DOCK1: variants seen among roughly 807,000 people sequenced by gnomAD.
The protein encoded by DOCK1 is dedicator of cytokinesis 1.
A neutral mutation model predicts 262.7 loss-of-function variants in DOCK1; 138 were observed. The ratio of observed to expected loss-of-function variants is 0.53; its 90% confidence interval spans 0.46 to 0.61. The LOEUF (loss-of-function observed/expected upper bound fraction) is 0.61. DOCK1 is among the 20% of genes least tolerant of loss of function. DOCK1 has a pLI of 0.00. For synonymous variants in DOCK1, 866 were observed against 867.4 expected (o/e 1.00, Z 0.03); for missense variants, 1,908 against 2,370.7 (o/e 0.80, Z 4.05).
At chr10:127,115,319 T>G (rs2049116629) in intron 25 of DOCK1, among the ~76,000 whole-genome samples, 1 of 152,148 alleles carries the variant, frequency 6.6e-6, no homozygotes. Flanking sequence ...ATGGGCAGTG[T>G]GTGTGAGAGT....
chr10:127,289,434 A>G (rs866127839), intron 29 of DOCK1, among the ~76,000 whole-genome samples: 8 of 152,236 alleles, frequency 5.3e-5, no homozygotes, highest in South Asian at 4.1e-4. Context: ...CATGCACACA[A>G]CTTTACATGG....
intron 1 of DOCK1, among the ~76,000 whole-genome samples, chr10:126,945,706 G>A (rs1405761603): frequency 1.3e-5 from 2 of 152,158 alleles, no homozygotes; most frequent in African/African-American, 2.4e-5. Context: ...TGCTGCCACC[G>A]GCCTCTTTTT....
intron 29 of DOCK1, among the ~76,000 whole-genome samples, chr10:127,324,959 A>G (rs1247983584): frequency 3.9e-5 from 6 of 152,232 alleles, no homozygotes; most frequent in South Asian, 4.2e-4. Flanking sequence ...TTGCCACTAG[A>G]ACACAGGGTC....
chr10:127,196,753 C>G (rs1239842692), intron 27 of DOCK1, among the ~76,000 whole-genome samples: 1 of 147,382 alleles, frequency 6.8e-6, no homozygotes, highest in Non-Finnish European at 1.5e-5. Context: ...AAGGAGCTGC[C>G]GCCGGCTGCC....
chr10:127,313,521 A>G (rs186747960), intron 29 of DOCK1, among the ~76,000 whole-genome samples: 150 of 152,306 alleles, frequency 9.8e-4, no homozygotes, highest in African/African-American at 3.4e-3. Flanking sequence ...TGGGTCAATC[A>G]ATGAGCTGAT....
chr10:126,960,050 C>T (rs887864517), intron 1 of DOCK1, among the ~76,000 whole-genome samples: 7 of 152,092 alleles, frequency 4.6e-5, no homozygotes, highest in Non-Finnish European at 5.9e-5. Context: ...TCAGGTGATC[C>T]GCCCGCTTGG....
rs1434918539 is a variant in DOCK1 at position 127,451,349 on chromosome 10, G to A, written c.5583G>A (p.Leu1861=). Residue 1861 remains leucine (L), a synonymous_variant, in exon 52 of 52, where the codon CTG becomes CTA. Coordinates refer to ENST00000623213, the MANE Select transcript of DOCK1 (RefSeq NM_001290223.2). ...PPHQRHLPPP[L]PSKTPPPPPP... ...TTTTTTAGCATCTGCCACCTCCACTGCCCAGCAAAACTCCGCCTCCTCCCC... is the reference window on the plus strand; with the variant it reads ...TTTTTTAGCATCTGCCACCTCCACTACCCAGCAAAACTCCGCCTCCTCCCC... The A allele has an allele frequency of 6.3e-7, 1 of 1,598,786 alleles. No homozygotes were observed. Among genetic ancestry groups the A allele is most frequent in the Admixed American group, 1.7e-5 (1 of 58,176 alleles).
intron 4 of DOCK1, among the ~76,000 whole-genome samples, chr10:126,982,847 G>A (rs2039080729): frequency 6.6e-6 from 1 of 152,208 alleles, no homozygotes; most frequent in Non-Finnish European, 1.5e-5. Context: ...AAAGAAAGTT[G>A]AGACTTTTAC....
intron 27 of DOCK1, among the ~76,000 whole-genome samples, chr10:127,207,561 C>T (rs2057780580): frequency 6.6e-6 from 1 of 152,132 alleles, no homozygotes; most frequent in Non-Finnish European, 1.5e-5. Context: ...AGAACATGGA[C>T]AATTCTCACA....
intron 1 of DOCK1, among the ~76,000 whole-genome samples, chr10:126,906,632 C>T (rs933608099): frequency 6.6e-6 from 1 of 152,208 alleles, no homozygotes; most frequent in African/African-American, 2.4e-5. Context: ...TCCAAGGGCA[C>T]CGTCTCAGCA....
At chr10:127,426,067 G>A in intron 47 of DOCK1, 56 bp downstream of exon 47, 5 of 1,607,566 alleles carry the variant, frequency 3.1e-6, no homozygotes, top group East Asian at 2.2e-5. Flanking sequence ...GCATCCCACT[G>A]TTGAACAGGG....
intron 23 of DOCK1, among the ~76,000 whole-genome samples, chr10:127,075,146 G>T (rs1204615380): frequency 8.3e-6 from 1 of 119,860 alleles, no homozygotes; most frequent in African/African-American, 3.4e-5. Flanking sequence ...TCCAGCCTGG[G>T]CAACAAGAGC....
chr10:127,293,334 ACTGCC>A lies in DOCK1; in HGVS notation c.3044+35907_3044+35911del, dbSNP rs560432763. Among the ~76,000 whole-genome samples the A allele has an allele frequency of 9.2e-5, 14 of 152,260 alleles. No individual in the cohort carries two copies. In the South Asian group the frequency reaches 2.9e-3, roughly 32 times the overall value. ...CCTTAGCACAAGTGGGAAAGGAAAAACTGCCCGACCATGGAGAGAACACAAGTGGG... is the reference window on the plus strand; with the variant it reads ...CCTTAGCACAAGTGGGAAAGGAAAAACGACCATGGAGAGAACACAAGTGGG... On this transcript the variant is annotated intron_variant, in intron 29 of 51. Coordinates refer to ENST00000623213, the MANE Select transcript of DOCK1 (RefSeq NM_001290223.2).
intron 1 of DOCK1, among the ~76,000 whole-genome samples, chr10:126,906,801 C>A (rs1340772321): frequency 6.6e-6 from 1 of 152,224 alleles, no homozygotes; most frequent in Non-Finnish European, 1.5e-5. Context: ...TCTCTGCTGT[C>A]AATGACTTAC....
intron 33 of DOCK1, among the ~76,000 whole-genome samples, chr10:127,362,703 A>T (rs2064534936): frequency 6.6e-6 from 1 of 152,170 alleles, no homozygotes; most frequent in South Asian, 2.1e-4. Context: ...CTCAAAACAT[A>T]CTGTGACAAA....
intron 1 of DOCK1, among the ~76,000 whole-genome samples, chr10:126,922,563 G>A (rs1023873637): frequency 6.6e-6 from 1 of 152,112 alleles, no homozygotes; most frequent in Non-Finnish European, 1.5e-5. Context: ...GGAGGGAGGC[G>A]CCATGATCCA....
At chr10:127,150,534 G>A (rs2052388190) in intron 27 of DOCK1, among the ~76,000 whole-genome samples, 1 of 152,162 alleles carries the variant, frequency 6.6e-6, no homozygotes, top group Non-Finnish European at 1.5e-5. Context: ...ATGATGCTGG[G>A]ACCCTTAACT....
At chr10:127,419,062 C>T (rs1383528358) in intron 45 of DOCK1, among the ~76,000 whole-genome samples, 3 of 152,172 alleles carry the variant, frequency 2.0e-5, no homozygotes, top group Non-Finnish European at 4.4e-5. Flanking sequence ...CACTTACTTA[C>T]GCCTGAGGCT....
intron 28 of DOCK1, 77 bp downstream of exon 28, chr10:127,248,186 A>G (rs1378358115): frequency 1.6e-6 from 2 of 1,243,770 alleles, no homozygotes; most frequent in Non-Finnish European, 2.3e-6. Context: ...ATATCAATAT[A>G]TTCATTTAAA....
Sources: allele counts gnomAD v4.1 joint callset (sites outside exome capture counted in the v4.1 genomes callset), GRCh38; gene constraint gnomAD v4.1.1; transcripts MANE v1.5; gene names NCBI Gene and HGNC (gene_info 2026-07-23, HGNC 2026-07-21).